The following ERO1B variants were observed in gnomAD, a reference collection of about 807,000 sequenced individuals.
ERO1B encodes the protein endoplasmic reticulum oxidoreductase 1 beta.
A neutral mutation model predicts 75.3 loss-of-function variants in ERO1B; 49 were observed. The observed-to-expected ratio is 0.65, with a 90% CI of 0.52 to 0.83. The LOEUF (loss-of-function observed/expected upper bound fraction) is 0.83, where lower values mean the gene tolerates loss of function less well. Ranked by LOEUF, ERO1B falls within the 40% of genes least tolerant of loss-of-function variation. The probability of loss-of-function intolerance (pLI) is 0.00; values close to 1 mark genes in which losing one functional copy is unlikely to be tolerated. For missense variants in ERO1B, 512 were observed against 560.1 expected, an observed-to-expected ratio of 0.91 and a Z score of 0.87; for synonymous variants, 191 against 192.9, an observed-to-expected ratio of 0.99 and a Z score of 0.08.
intron 1 of ERO1B, among the ~76,000 whole-genome samples, chr1:236,274,871 A>AAGGACTGGAAACAGACTGC (rs1293671107): frequency 6.6e-6 from 1 of 152,212 alleles, no homozygotes; most frequent in African/African-American, 2.4e-5. Context: ...AGATAAAACT[A>AAGGACTGGAAACAGACTGC]AGGACTGGAA....
rs181909122 is a variant in ERO1B, at chr1:236,228,616, G to T, written c.712+1608C>A. ...CTTTTCGATTTAATTTCATTAAAAT[G>T]CATTTTCAGCACTTGAACTTTCAGA... On this transcript the variant is annotated intron_variant, in intron 10 of 15. Coordinates refer to ENST00000354619, the MANE Select transcript of ERO1B (RefSeq NM_019891.4). Among the ~76,000 whole-genome samples the T allele has an allele frequency of 1.9e-4, 29 of 152,310 alleles. No individual in the cohort carries two copies. The Middle Eastern group carries it at 0.01, about 54-fold the overall frequency.
At chr1:236,237,744 G>A (rs183946071) in intron 6 of ERO1B, among the ~76,000 whole-genome samples, 17 of 152,276 alleles carry the variant, frequency 1.1e-4, no homozygotes, top group Admixed American at 9.8e-4. Flanking sequence ...TTTCCTGTCA[G>A]TAAACAGTAT....
chr1:236,281,711 T>C lies in ERO1B; in HGVS notation c.73A>G (p.Ser25Gly). The C allele has an allele frequency of 6.6e-7, 1 of 1,509,858 alleles. No individual in the cohort carries two copies. Among genetic ancestry groups the C allele is most frequent in the Admixed American group, 2.0e-5 (1 of 49,296 alleles). The allele number at this position is 1,509,858 out of a possible 1,614,324, so 93.5% of individuals were successfully genotyped here. The change falls in exon 1 of 16, where the codon AGC (serine) becomes GGC (glycine). Residue 25 changes from serine to glycine, a missense_variant. Ser to Gly is a moderately conservative substitution (Grantham distance 56, BLOSUM62 0). Coordinates refer to ENST00000354619, the MANE Select transcript of ERO1B (RefSeq NM_019891.4). The stretch of plus-strand genomic sequence containing the variant: ...GCCTCGACGACGCTCCGCAGGAAGC[T>C]CAGGGTGACCAGCAGCTGCACCGCG... Reference protein sequence around the residue: ...AAAVQLLVTLSFLRSVVEAQV... With the variant: ...AAAVQLLVTLGFLRSVVEAQV...
chr1:236,268,138 C>G (rs1398702937), intron 2 of ERO1B, among the ~76,000 whole-genome samples: 1 of 151,992 alleles, frequency 6.6e-6, no homozygotes, highest in Non-Finnish European at 1.5e-5. Context: ...TTTGGATGTT[C>G]CTGGTGCTGA....
intron 15 of ERO1B, 135 bp from the exon 16 acceptor site, chr1:236,218,711 TTTAAA>T: frequency 1.3e-6 from 1 of 751,086 alleles, no homozygotes; most frequent in East Asian, 6.4e-5. Flanking sequence ...AGCTTCCATG[TTTAAA>T]TTAGTGTTCT....
At chr1:236,260,019 A>C (rs1258947041) in intron 2 of ERO1B, among the ~76,000 whole-genome samples, 1 of 152,250 alleles carries the variant, frequency 6.6e-6, no homozygotes, top group African/African-American at 2.4e-5. Context: ...CACTGAAATC[A>C]TACGAAGTAT....
intron 8 of ERO1B, among the ~76,000 whole-genome samples, chr1:236,233,524 G>A (rs936888615): frequency 9.3e-5 from 14 of 151,196 alleles, no homozygotes; most frequent in Non-Finnish European, 4.4e-5. Flanking sequence ...CTTGAACCCA[G>A]GAGGCGGAGG....
chr1:236,226,119 T>C (rs1664271406), intron 12 of ERO1B, 150 bp downstream of exon 12: 1 of 763,562 alleles, frequency 1.3e-6, no homozygotes, highest in Non-Finnish European at 2.0e-6. Context: ...CAGAAATATT[T>C]TTAAATTCTG....
intron 8 of ERO1B, 33 bp downstream of exon 8, chr1:236,235,756 A>G: frequency 6.4e-7 from 1 of 1,568,442 alleles, no homozygotes; most frequent in Non-Finnish European, 8.7e-7. Context: ...ATAAACAATG[A>G]AAAGCATGAA....
chr1:236,258,657 C>T (rs776177076), intron 2 of ERO1B, among the ~76,000 whole-genome samples: 2 of 152,106 alleles, frequency 1.3e-5, no homozygotes, highest in Non-Finnish European at 2.9e-5. Context: ...GAGGCCGAAG[C>T]GGGTGGATCA....
At chr1:236,260,890 G>GA (rs1408185679) in intron 2 of ERO1B, among the ~76,000 whole-genome samples, 1 of 151,594 alleles carries the variant, frequency 6.6e-6, no homozygotes, top group Non-Finnish European at 1.5e-5. Context: ...CAGCCCTGAT[G>GA]AAAAAAAATG....
rs772041104 is a variant in ERO1B at position 236,235,849 on chromosome 1, C to T, written c.627-14G>A. The T allele has an allele frequency of 4.3e-6, 7 of 1,609,400 alleles. No homozygotes were observed. Among genetic ancestry groups the T allele is most frequent in the South Asian group, 3.3e-5 (3 of 90,042 alleles). ...ACAGATCGAGGCCTGAAAAAGAAAG[C>T]ATAATACCCAAACATAGAATGTTTT... On this transcript the variant is annotated splice_polypyrimidine_tract_variant and intron_variant, in intron 7 of 15. Coordinates refer to ENST00000354619, the MANE Select transcript of ERO1B (RefSeq NM_019891.4).
chr1:236,259,749 T>C (rs1198453598), intron 2 of ERO1B, among the ~76,000 whole-genome samples: 1 of 151,916 alleles, frequency 6.6e-6, no homozygotes, highest in East Asian at 1.9e-4. Context: ...CAAATATCAA[T>C]AGCTTTGAAG....
At position 236,236,536 on chromosome 1, in the gene ERO1B, T is replaced by C. The variant is rs946672193; in HGVS notation, c.506-138A>G. ...GTAATCTCCAACTTAAATGGTATAGTGGTTAGTATACTTGTGACTGTACTT... is the reference window on the plus strand; with the variant it reads ...GTAATCTCCAACTTAAATGGTATAGCGGTTAGTATACTTGTGACTGTACTT... On this transcript the variant is annotated intron_variant, in intron 6 of 15. Coordinates refer to ENST00000354619, the MANE Select transcript of ERO1B (RefSeq NM_019891.4). 4.7e-6 allele frequency: 4 copies of C among 846,390 alleles called. No homozygotes were observed. The South Asian group carries it at 5.4e-5, about 12-fold the overall frequency. The allele number at this position is 846,390 out of a possible 1,614,324, so 52.4% of individuals were successfully genotyped here.
intron 2 of ERO1B, chr1:236,267,964 G>GA (rs544469571): frequency 2.7e-3 from 371 of 137,040 alleles, no homozygotes; most frequent in South Asian, 9.8e-3. Flanking sequence ...CCCTCCGGGG[G>GA]AAAAAAAAAA....
intron 13 of ERO1B, among the ~76,000 whole-genome samples, chr1:236,223,202 CAAAAAAAAAAA>C (rs11322079): frequency 3.7e-5 from 3 of 80,928 alleles, no homozygotes; most frequent in Non-Finnish European, 7.2e-5. Flanking sequence ...AACTCTGTCT[CAAAAAAAAAAA>C]AAAAAAAAAA....
intron 10 of ERO1B, among the ~76,000 whole-genome samples, chr1:236,228,794 G>A (rs765713655): frequency 1.1e-4 from 17 of 152,138 alleles, no homozygotes; most frequent in Non-Finnish European, 2.1e-4. Context: ...CTGAATCTCA[G>A]AAAAGGTTGA....
At chr1:236,258,149 C>CAAAAAAAAAAA (rs58531434) in intron 2 of ERO1B, among the ~76,000 whole-genome samples, 25 of 96,566 alleles carry the variant, frequency 2.6e-4, no homozygotes, top group African/African-American at 6.2e-4. Flanking sequence ...AAAAACAAAG[C>CAAAAAAAAAAA]AAAAAAAAAA....
chr1:236,260,613 CGA>C (rs1316468235), intron 2 of ERO1B, among the ~76,000 whole-genome samples: 1 of 149,342 alleles, frequency 6.7e-6, no homozygotes, highest in Non-Finnish European at 1.5e-5. Context: ...TGCAATGAGC[CGA>C]GATCGCGCCA....
Sources: allele counts gnomAD v4.1 joint callset (sites outside exome capture counted in the v4.1 genomes callset), GRCh38; gene constraint gnomAD v4.1.1; transcripts MANE v1.5; gene names NCBI Gene and HGNC (gene_info 2026-07-23, HGNC 2026-07-21).